TET2: variants seen among roughly 807,000 people sequenced by gnomAD.
TET2 encodes tet methylcytosine dioxygenase 2.
TET2 carries 299 observed loss-of-function variants against 142.9 expected under a neutral mutation model. The ratio of observed to expected loss-of-function variants is 2.09; its 90% CI spans 1.90 to 2.30. The LOEUF is 2.30. Among genes scored for constraint, TET2 ranks in the 30% most tolerant of loss-of-function variants. TET2 has a pLI of 0.00. For synonymous variants in TET2, 819 were observed against 849.0 expected (o/e 0.96, Z 0.61); for missense variants, 2,418 against 2,378.0 (o/e 1.02, Z -0.35).
At chr4:105,188,474 C>T (rs72665926) in intron 1 of TET2, among the ~76,000 whole-genome samples, 19,036 of 152,142 alleles carry the variant, frequency 0.13, 1,374 homozygotes, top group Non-Finnish European at 0.16. Context: ...TGTGAATGTA[C>T]TTAATGCCAC....
chr4:105,182,377 C>T (rs958089089), intron 1 of TET2, among the ~76,000 whole-genome samples: 1 of 152,202 alleles, frequency 6.6e-6, no homozygotes, highest in African/African-American at 2.4e-5. Context: ...GTAGGTTCCT[C>T]TAGGATCCTC....
intron 1 of TET2, chr4:105,177,476 A>G (rs1357046986): frequency 6.6e-6 from 1 of 152,260 alleles, no homozygotes; most frequent in African/African-American, 2.4e-5. Flanking sequence ...AAAAACCTGA[A>G]CAGACAACTC....
At chr4:105,243,034 A>C (rs914993514) in intron 5 of TET2, 107 bp downstream of exon 5, 2 of 850,698 alleles carry the variant, frequency 2.4e-6, no homozygotes, top group Non-Finnish European at 3.8e-6. Context: ...TGCCAGTTAA[A>C]AAGAACATTA....
intron 1 of TET2, among the ~76,000 whole-genome samples, chr4:105,185,651 C>T (rs1322639952): frequency 6.6e-6 from 1 of 151,978 alleles, no homozygotes; most frequent in Non-Finnish European, 1.5e-5. Context: ...TGGGGGCATG[C>T]GCCTGTAATC....
Position 105,236,814 on chromosome 4 carries a change from CAGAAGCA to C in TET2, c.2877_2883del (p.Lys959AsnfsTer46). On this transcript the variant is annotated frameshift_variant, in exon 3 of 11. Coordinates refer to ENST00000380013, the MANE Select transcript of TET2 (RefSeq NM_001127208.3). LOFTEE classifies it high-confidence loss of function. ...TGCTGCTCTAAGGTGGCATCTCTTA[CAGAAGCA>C]AGAACAGCAGCAAACACAGCAACCC... 6.2e-7 allele frequency: 1 copy of C among 1,614,132 alleles called. No individual in the cohort carries two copies. Among genetic ancestry groups the C allele is most frequent in the Non-Finnish European group, 8.5e-7 (1 of 1,179,998 alleles).
Position 105,276,008 on chromosome 4 carries a change from T to C in TET2, c.5498T>C (p.Val1833Ala), listed in dbSNP as rs1443210048. The C allele has an allele frequency of 6.4e-7, 1 of 1,551,732 alleles. No individual in the cohort carries two copies. Among genetic ancestry groups the C allele is most frequent in the Admixed American group, 2.0e-5 (1 of 51,008 alleles). Residue 1833 changes from valine (V) to alanine (A), a missense_variant, in exon 11 of 11, where the codon GTC becomes GCC. Val to Ala is a moderately conservative substitution (Grantham distance 64). Transcript: ENST00000380013. Reference sequence around the variant, plus strand: ...CAGGAAAAGCAGCCATTGGCACTAGTCCAGGGTGTGGCTTCTGGTGCAGAG... The same window carrying C: ...CAGGAAAAGCAGCCATTGGCACTAGCCCAGGGTGTGGCTTCTGGTGCAGAG... The part of the protein sequence containing the change: ...NGQEKQPLAL[V>A]QGVASGAEDN...
At position 105,276,181 on chromosome 4, in the gene TET2, A is replaced by T; in HGVS notation, c.5671A>T (p.Arg1891Trp). 6.4e-7 allele frequency: 1 copy of T among 1,551,682 alleles called. No homozygotes were observed. The highest frequency in any genetic ancestry group is 8.7e-7 in the Non-Finnish European group (1 of 1,146,992). The change falls in exon 11 of 11, where the codon AGG (arginine) becomes TGG (tryptophan). Residue 1891 changes from arginine (R) to tryptophan (W), a missense_variant. Transcript: ENST00000380013. ...HATTPLKNPN[R>W]NHPTRISLVF... ...CACAACCCCTTTAAAGAATCCCAAT[A>T]GGAATCACCCCACCAGGATCTCCCT...
In TET2 at chr4:105,235,634, G is replaced by T. The variant is rs1560543905; in HGVS notation, c.1692G>T (p.Trp564Cys). 1 of 1,614,026 alleles carries T rather than the reference G, an allele frequency of 6.2e-7. No homozygotes were observed. ...PPTQHYLKPGWIELKAPRFHQ... is the reference protein window; with the variant it reads ...PPTQHYLKPGCIELKAPRFHQ... Reference sequence around the variant, plus strand: ...CACAGCACTATCTGAAACCAGGATGGATTGAATTGAAGGCCCCTCGTTTTC... The same window carrying T: ...CACAGCACTATCTGAAACCAGGATGTATTGAATTGAAGGCCCCTCGTTTTC... The change falls in exon 3 of 11, where the codon TGG becomes TGT. Residue 564 changes from tryptophan to cysteine, a missense_variant. Physicochemically the swap from Trp to Cys is radical, Grantham distance 215. Transcript: ENST00000380013.
At chr4:105,161,760 A>T (rs1287803949) in intron 1 of TET2, among the ~76,000 whole-genome samples, 5 of 152,244 alleles carry the variant, frequency 3.3e-5, no homozygotes, top group African/African-American at 1.2e-4. Flanking sequence ...GCATGCAATA[A>T]ACATTGACTT....
Position 105,160,932 on chromosome 4 carries a change from C to T in TET2, c.-193+13953C>T, listed in dbSNP as rs764138604. Reference sequence around the variant, plus strand: ...CTGGGATTACAGGCACTCGCCACCACGCCCGGCTAATTTTTGTATTTTTAG... The same window carrying T: ...CTGGGATTACAGGCACTCGCCACCATGCCCGGCTAATTTTTGTATTTTTAG... On this transcript the variant is annotated intron_variant, in intron 1 of 10. Coordinates refer to ENST00000380013, the MANE Select transcript of TET2 (RefSeq NM_001127208.3). Among the ~76,000 whole-genome samples the T allele has an allele frequency of 2.6e-5, 4 of 152,136 alleles. No individual in the cohort carries two copies. In the East Asian group the frequency reaches 5.8e-4, roughly 22 times the overall value.
At chr4:105,257,275 A>C (rs997980562) in intron 6 of TET2, among the ~76,000 whole-genome samples, 1 of 152,214 alleles carries the variant, frequency 6.6e-6, no homozygotes, top group East Asian at 1.9e-4. Context: ...CTCTACAAAA[A>C]TAAAAATAAA....
intron 2 of TET2, among the ~76,000 whole-genome samples, chr4:105,223,467 C>G (rs951827526): frequency 5.9e-5 from 9 of 151,924 alleles, no homozygotes; most frequent in Non-Finnish European, 1.2e-4. Flanking sequence ...GACTTGGCAA[C>G]CATACCAATA....
At chr4:105,187,276 A>G (rs575793419) in intron 1 of TET2, among the ~76,000 whole-genome samples, 1 of 152,360 alleles carries the variant, frequency 6.6e-6, no homozygotes, top group South Asian at 2.1e-4. Flanking sequence ...TTTAAACAGA[A>G]AACAGAAGGT....
intron 1 of TET2, among the ~76,000 whole-genome samples, chr4:105,153,132 A>G (rs762099597): frequency 6.6e-6 from 1 of 152,220 alleles, no homozygotes; most frequent in Non-Finnish European, 1.5e-5. Context: ...ATGCCATTGT[A>G]TGAAATAATA....
At chr4:105,259,335 G>T (rs1578715841) in intron 6 of TET2, among the ~76,000 whole-genome samples, 2 of 152,162 alleles carry the variant, frequency 1.3e-5, no homozygotes, top group African/African-American at 4.8e-5. Flanking sequence ...GGAAATTCCA[G>T]GGGATAGTAA....
chr4:105,196,924 C>G (rs1341711384), intron 2 of TET2, among the ~76,000 whole-genome samples: 8 of 152,112 alleles, frequency 5.3e-5, no homozygotes, highest in South Asian at 2.1e-4. Flanking sequence ...TCCCTCTCCC[C>G]CTACTGGCAA....
chr4:105,276,845 C>CCA lies in TET2; in HGVS notation c.*327_*328insAC. The CCA allele has an allele frequency of 9.4e-6, 2 of 213,034 alleles. No individual in the cohort carries two copies. The highest frequency in any genetic ancestry group is 9.3e-6 in the Non-Finnish European group (1 of 107,742). 13.2% of individuals were successfully genotyped at this position (213,034 alleles called of 1,614,324 possible). A position where few individuals can be genotyped will look rare whatever the true frequency, so the allele number is the denominator to read the frequency against. On this transcript the variant is annotated 3_prime_UTR_variant, in exon 11 of 11. Coordinates refer to ENST00000380013, the MANE Select transcript of TET2 (RefSeq NM_001127208.3). Reference sequence around the variant, plus strand: ...GATGATATGTAAATGTGATCCCCCCCCCCCGCTTACAACTCTACACATCTG... The same window carrying CCA: ...GATGATATGTAAATGTGATCCCCCCCCACCCCGCTTACAACTCTACACATCTG...
chr4:105,146,739 GC>G (rs1723036508), upstream of TET2: 1 of 151,984 alleles, frequency 6.6e-6, no homozygotes, highest in African/African-American at 2.4e-5. Context: ...CGCGAGCGCC[GC>G]GCGCCCGGGT....
At chr4:105,146,401 C>CTTCCCCGCGCTCCCCTGT (rs1344525684), upstream of TET2, 1 of 152,530 alleles carries the variant, frequency 6.6e-6, no homozygotes, top group Non-Finnish European at 1.5e-5. Flanking sequence ...GGGCTGCACC[C>CTTCCCCGCGCTCCCCTGT]TTCCCCGCGC....
Sources: allele counts gnomAD v4.1 joint callset (sites outside exome capture counted in the v4.1 genomes callset), GRCh38; gene constraint gnomAD v4.1.1; transcripts MANE v1.5; gene names NCBI Gene and HGNC (gene_info 2026-07-23, HGNC 2026-07-21).